Variants in CFDP1 observed in about 807,000 individuals in gnomAD.
The protein encoded by CFDP1 is heterochromatin-stabilizing protein CFDP1.
CFDP1 carries 31 observed loss-of-function variants against 40.1 expected under a neutral mutation model. The observed-to-expected ratio is 0.77, with a 90% CI of 0.58 to 1.04. CFDP1 has a LOEUF of 1.04. CFDP1 is among the 50% of genes least tolerant of loss of function. CFDP1 has a pLI of 0.00. For missense variants in CFDP1, 423 were observed against 343.4 expected (o/e 1.23, Z -1.83); for synonymous variants, 167 against 120.0 (o/e 1.39, Z -2.56).
At chr16:75,391,985 AT>A (rs1353822782) in intron 5 of CFDP1, among the ~76,000 whole-genome samples, 1 of 152,120 alleles carries the variant, frequency 6.6e-6, no homozygotes, top group Non-Finnish European at 1.5e-5. Flanking sequence ...TAAAAAATAA[AT>A]AAATAAATAA....
intron 5 of CFDP1, among the ~76,000 whole-genome samples, chr16:75,318,978 T>C (rs114801622): frequency 0.022 from 3,417 of 152,268 alleles, 70 homozygotes; most frequent in African/African-American, 0.055. Flanking sequence ...ATTAAGCACA[T>C]AGCTTTAAAT....
intron 6 of CFDP1, among the ~76,000 whole-genome samples, chr16:75,299,414 CAT>C (rs1415448633): frequency 1.5e-5 from 2 of 135,150 alleles, no homozygotes; most frequent in Admixed American, 8.4e-5. Flanking sequence ...GGTGAAACCC[CAT>C]CTCTACTTAA....
At chr16:75,423,516 GTTT>G (rs368710500) in intron 1 of CFDP1, among the ~76,000 whole-genome samples, 1 of 150,092 alleles carries the variant, frequency 6.7e-6, no homozygotes, top group Non-Finnish European at 1.5e-5. Flanking sequence ...GGCGAGGTTG[GTTT>G]TTTTTTGTTT....
Position 75,411,934 on chromosome 16 carries a change from C to T in CFDP1, c.421G>A (p.Glu141Lys). ...TQVKKGEETE[E>K]TSSSKLLVKA... is the part of the protein sequence containing the mutation. The stretch of plus-strand genomic sequence containing the variant: ...ACCAACAATTTACTTGAACTTGTCT[C>T]TTCAGTCTCCTCTCCTTTCTATAAA... Residue 141 changes from glutamate to lysine, a missense_variant, in exon 4 of 7, where the codon GAG becomes AAG. Coordinates refer to ENST00000283882, the MANE Select transcript of CFDP1 (RefSeq NM_006324.3). The T allele has an allele frequency of 6.2e-7, 1 of 1,607,828 alleles. No individual in the cohort carries two copies. The highest frequency in any genetic ancestry group is 8.5e-7 in the Non-Finnish European group (1 of 1,178,654).
chr16:75,303,404 T>TAAATAAATAA (rs1567639342), intron 6 of CFDP1, among the ~76,000 whole-genome samples: 613 of 41,460 alleles, frequency 0.015, 4 homozygotes, highest in African/African-American at 0.029. Flanking sequence ...TAAATAAATG[T>TAAATAAATAA]ATGTATGTAT....
At chr16:75,350,160 T>C (rs987158292) in intron 5 of CFDP1, among the ~76,000 whole-genome samples, 1 of 152,226 alleles carries the variant, frequency 6.6e-6, no homozygotes, top group Non-Finnish European at 1.5e-5. Context: ...TGAAAGTCAT[T>C]TGAGTACCTC....
chr16:75,348,450 AC>A (rs1302443407), intron 5 of CFDP1, among the ~76,000 whole-genome samples: 1 of 152,186 alleles, frequency 6.6e-6, no homozygotes, highest in Non-Finnish European at 1.5e-5. Flanking sequence ...AAAACAATAA[AC>A]AAAAAAATCA....
At chr16:75,394,989 T>C in intron 5 of CFDP1, 101 bp downstream of exon 5, 2 of 1,385,620 alleles carry the variant, frequency 1.4e-6, no homozygotes, top group Non-Finnish European at 2.0e-6. Flanking sequence ...CATAATTCTC[T>C]CTCTCAGGCA....
intron 5 of CFDP1, among the ~76,000 whole-genome samples, chr16:75,354,054 T>C (rs1257194508): frequency 6.6e-6 from 1 of 152,182 alleles, no homozygotes; most frequent in Admixed American, 6.5e-5. Context: ...ACGCCCATTC[T>C]GGTTTTCACT....
At chr16:75,432,820 G>A (rs935080027) in intron 1 of CFDP1, among the ~76,000 whole-genome samples, 1 of 152,104 alleles carries the variant, frequency 6.6e-6, no homozygotes, top group African/African-American at 2.4e-5. Flanking sequence ...GTCACAATGA[G>A]GCAAAAAGCA....
At chr16:75,302,099 G>A (rs1326322558) in intron 6 of CFDP1, among the ~76,000 whole-genome samples, 1 of 152,176 alleles carries the variant, frequency 6.6e-6, no homozygotes, top group Non-Finnish European at 1.5e-5. Context: ...CATAAAGGAG[G>A]ATGGTATTAG....
At chr16:75,298,538 A>G (rs2078200041) in intron 6 of CFDP1, among the ~76,000 whole-genome samples, 1 of 152,250 alleles carries the variant, frequency 6.6e-6, no homozygotes. Context: ...GGCAGCACAG[A>G]CACAGGACAA....
intron 5 of CFDP1, among the ~76,000 whole-genome samples, chr16:75,339,072 G>C (rs905788082): frequency 1.3e-5 from 2 of 151,522 alleles, no homozygotes; most frequent in African/African-American, 2.4e-5. Context: ...TTATTTCATT[G>C]GTTATTTGCT....
At chr16:75,395,675 TAAAA>T (rs955747325) in intron 4 of CFDP1, among the ~76,000 whole-genome samples, 1 of 151,688 alleles carries the variant, frequency 6.6e-6, no homozygotes, top group Non-Finnish European at 1.5e-5. Context: ...ATAAAAAAAA[TAAAA>T]AAACATTTTC....
intron 5 of CFDP1, among the ~76,000 whole-genome samples, chr16:75,392,564 C>G (rs572862748): frequency 1.3e-5 from 2 of 152,300 alleles, no homozygotes; most frequent in Admixed American, 1.3e-4. Flanking sequence ...GTGGTGCAAT[C>G]TCAGCTCACT....
At chr16:75,381,117 T>C (rs2078848528) in intron 5 of CFDP1, 1 of 152,112 alleles carries the variant, frequency 6.6e-6, no homozygotes, top group Non-Finnish European at 1.5e-5. Context: ...AGTCCAAGCC[T>C]TTCAAAAGAT....
At chr16:75,328,115 T>C (rs2078416893) in intron 5 of CFDP1, among the ~76,000 whole-genome samples, 1 of 150,246 alleles carries the variant, frequency 6.7e-6, no homozygotes, top group Admixed American at 6.7e-5. Context: ...GAGTGTTAAA[T>C]CCTCTTCTAA....
intron 5 of CFDP1, among the ~76,000 whole-genome samples, chr16:75,392,035 T>C (rs1396368459): frequency 6.6e-6 from 1 of 152,108 alleles, no homozygotes; most frequent in Non-Finnish European, 1.5e-5. Flanking sequence ...CTGCAAACAA[T>C]ACAATAAATG....
intron 6 of CFDP1, among the ~76,000 whole-genome samples, chr16:75,303,021 G>A (rs1261687181): frequency 2.0e-5 from 3 of 152,168 alleles, no homozygotes; most frequent in Non-Finnish European, 4.4e-5. Flanking sequence ...CCAACATGGT[G>A]AAATCCCGTC....
Sources: gnomAD v4.1 joint callset for allele counts (sites outside exome capture counted in the v4.1 genomes callset) on GRCh38, gnomAD v4.1.1 for gene constraint, MANE v1.5 for transcripts, NCBI Gene and HGNC (gene_info 2026-07-23, HGNC 2026-07-21) for gene names.